The following RARB variants were observed in gnomAD, a reference collection of about 807,000 sequenced individuals.
The protein encoded by RARB is retinoic acid receptor beta.
RARB carries 17 observed loss-of-function variants against 51.9 expected under a neutral mutation model. That is an observed-to-expected ratio of 0.33 (90% CI 0.22 to 0.49). RARB has a LOEUF of 0.49. Ranked by LOEUF, RARB falls within the 20% of genes least tolerant of loss-of-function variation. The probability of loss-of-function intolerance (pLI) is 0.99; values close to 1 mark genes in which losing one functional copy is unlikely to be tolerated. For missense variants in RARB, 369 were observed against 550.8 expected, an observed-to-expected ratio of 0.67 and a Z score of 3.30; for synonymous variants, 215 against 195.4, an observed-to-expected ratio of 1.10 and a Z score of -0.84.
At chr3:25,090,591 C>A (rs1356023778) in intron 3 of RARB, among the ~76,000 whole-genome samples, 1 of 152,052 alleles carries the variant, frequency 6.6e-6, no homozygotes, top group African/African-American at 2.4e-5. Context: ...GATGTTGTAG[C>A]CTTGGGGAAC....
chr3:24,960,647 C>A (rs1054390914), intron 2 of RARB, among the ~76,000 whole-genome samples: 1 of 152,070 alleles, frequency 6.6e-6, no homozygotes, highest in Non-Finnish European at 1.5e-5. Context: ...TAAAACAAAA[C>A]CAGAATAAAA....
chr3:24,833,239 T>C (rs1702303883), intron 1 of RARB: 1 of 152,306 alleles, frequency 6.6e-6, no homozygotes, highest in South Asian at 2.1e-4. Flanking sequence ...TCTGTTGGCA[T>C]CTTTCAGTGA....
chr3:24,935,873 T>A (rs1291734493), intron 2 of RARB, among the ~76,000 whole-genome samples: 1 of 152,190 alleles, frequency 6.6e-6, no homozygotes, highest in East Asian at 1.9e-4. Flanking sequence ...TCTGTCCAAT[T>A]GTTTATTGTT....
At chr3:25,034,549 T>G (rs1275443488) in intron 2 of RARB, among the ~76,000 whole-genome samples, 1 of 152,234 alleles carries the variant, frequency 6.6e-6, no homozygotes, top group East Asian at 1.9e-4. Context: ...CAAAAGTAGA[T>G]GTGCAAAGAG....
intron 3 of RARB, among the ~76,000 whole-genome samples, chr3:25,519,750 A>G (rs933341891): frequency 3.9e-5 from 6 of 152,232 alleles, no homozygotes; most frequent in Non-Finnish European, 8.8e-5. Context: ...ACTTTTAAAA[A>G]GCGAATTAAC....
At chr3:25,048,297 C>T (rs1698256848) in intron 2 of RARB, among the ~76,000 whole-genome samples, 1 of 152,120 alleles carries the variant, frequency 6.6e-6, no homozygotes, top group Non-Finnish European at 1.5e-5. Flanking sequence ...ATCTAAGTTA[C>T]CAATCTGGAT....
At position 24,909,733 on chromosome 3, in the gene RARB, CTTG is replaced by C. The variant is rs559326077; in HGVS notation, c.-380+50986_-380+50988del. Among the ~76,000 whole-genome samples the C allele has an allele frequency of 5.8e-3, 885 of 152,104 alleles. 3 individuals are homozygous for C. The highest frequency in any genetic ancestry group is 0.014 in the Middle Eastern group (4 of 294). On this transcript the variant is annotated intron_variant, in intron 2 of 11. Transcript: ENST00000383772. ...ACCGTGATGGATTTTTAAGATGATT[CTTG>C]TTGTGCTCTGCTTACAAAGTATGTA...
chr3:25,397,201 CTG>C (rs1428120050), intron 5 of RARB, among the ~76,000 whole-genome samples: 1 of 152,188 alleles, frequency 6.6e-6, no homozygotes, highest in East Asian at 1.9e-4. Context: ...TCCCTGGGGA[CTG>C]TGTGCCCACA....
intron 5 of RARB, among the ~76,000 whole-genome samples, chr3:25,391,128 T>A (rs552043000): frequency 1.3e-5 from 2 of 152,270 alleles, no homozygotes; most frequent in South Asian, 4.1e-4. Flanking sequence ...CTCCTACTTA[T>A]AAGTGAGAAT....
chr3:25,135,202 C>T lies in RARB; in HGVS notation c.-280+2994C>T, dbSNP rs371778229. ...CCACTAGCCAGGTGTGGCTATTGAG[C>T]GCTCAAAAATAGCTAGTGCAACTAA... On this transcript the variant is annotated intron_variant, in intron 4 of 11. Coordinates refer to the RARB transcript ENST00000383772. Among the ~76,000 whole-genome samples the T allele has an allele frequency of 2.0e-4, 31 of 151,530 alleles. No individual in the cohort carries two copies. The East Asian group carries it at 3.7e-3, about 18-fold the overall frequency.
chr3:25,253,561 T>A (rs1307981155), intron 5 of RARB, among the ~76,000 whole-genome samples: 2 of 152,094 alleles, frequency 1.3e-5, no homozygotes, highest in South Asian at 2.1e-4. Flanking sequence ...TGGGTATAGA[T>A]AATACTGAAT....
At chr3:25,021,380 C>CA (rs1559436759) in intron 2 of RARB, among the ~76,000 whole-genome samples, 1 of 151,580 alleles carries the variant, frequency 6.6e-6, no homozygotes, top group African/African-American at 2.4e-5. Flanking sequence ...AGTTTATTGC[C>CA]TTTTTTTTAG....
intron 1 of RARB, among the ~76,000 whole-genome samples, chr3:25,442,107 T>C (rs971683440): frequency 1.9e-4 from 28 of 146,680 alleles, no homozygotes; most frequent in Admixed American, 1.6e-3. Context: ...CTTTTTAATT[T>C]TATTTTATTT....
At chr3:24,952,500 C>A (rs9848164) in intron 2 of RARB, among the ~76,000 whole-genome samples, 422 of 152,136 alleles carry the variant, frequency 2.8e-3, no homozygotes, top group African/African-American at 9.6e-3. Flanking sequence ...TGCACTCCGG[C>A]GCTAACTGCT....
intron 5 of RARB, among the ~76,000 whole-genome samples, chr3:25,195,394 G>T (rs896349478): frequency 2.0e-5 from 3 of 151,916 alleles, no homozygotes; most frequent in African/African-American, 7.2e-5. Context: ...CATTGGATTT[G>T]GTTGGTTAAT....
chr3:25,569,728 C>A, intron 3 of RARB, 30 bp from the exon 4 acceptor site: 1 of 1,605,172 alleles, frequency 6.2e-7, no homozygotes, highest in Non-Finnish European at 8.5e-7. Context: ...CCTTCAGCGA[C>A]CCCTGATGTG....
intron 2 of RARB, among the ~76,000 whole-genome samples, chr3:25,023,904 G>A (rs373230004): frequency 1.4e-4 from 22 of 152,308 alleles, no homozygotes; most frequent in African/African-American, 2.4e-4. Context: ...AGAGGATTAC[G>A]TGAGTGTGAC....
chr3:24,964,017 CA>C (rs1181020408), intron 2 of RARB, among the ~76,000 whole-genome samples: 1 of 152,226 alleles, frequency 6.6e-6, no homozygotes, highest in African/African-American at 2.4e-5. Context: ...ACAAAAGGGT[CA>C]CAGAATTTCT....
At chr3:24,836,269 T>C (rs1205403501) in intron 1 of RARB, among the ~76,000 whole-genome samples, 5 of 152,214 alleles carry the variant, frequency 3.3e-5, no homozygotes, top group Non-Finnish European at 5.9e-5. Flanking sequence ...AGCAGCAATG[T>C]CCCAGGATCC....
Sources: gnomAD v4.1 joint callset for allele counts (sites outside exome capture counted in the v4.1 genomes callset) on GRCh38, gnomAD v4.1.1 for gene constraint, MANE v1.5 for transcripts, NCBI Gene and HGNC (gene_info 2026-07-23, HGNC 2026-07-21) for gene names.